CFAP20DC: variants seen among roughly 807,000 people sequenced by gnomAD.
The protein encoded by CFAP20DC is CFAP20 domain containing.
CFAP20DC carries 84 observed loss-of-function variants against 101.7 expected under a neutral mutation model. The observed-to-expected ratio is 0.83, with a 90% CI of 0.69 to 0.99. CFAP20DC has a LOEUF of 0.99. Ranked by LOEUF, CFAP20DC falls within the 50% of genes least tolerant of loss-of-function variation. The pLI is 0.00. For synonymous variants in CFAP20DC, 359 were observed against 351.2 expected, an observed-to-expected ratio of 1.02 and a Z score of -0.25; for missense variants, 1,007 against 970.3, an observed-to-expected ratio of 1.04 and a Z score of -0.50.
intron 13 of CFAP20DC, among the ~76,000 whole-genome samples, chr3:58,835,561 T>A (rs1168104826): frequency 6.6e-6 from 1 of 152,204 alleles, no homozygotes. Context: ...GCTGATGCTA[T>A]ATTTGCTTAA....
chr3:59,019,684 A>C (rs971483792), intron 4 of CFAP20DC, among the ~76,000 whole-genome samples: 4 of 152,118 alleles, frequency 2.6e-5, no homozygotes, highest in Admixed American at 6.6e-5. Context: ...ACAGATTAGC[A>C]GAATGGTGAC....
chr3:58,761,222 T>G (rs1178477361), intron 15 of CFAP20DC, among the ~76,000 whole-genome samples: 1 of 152,208 alleles, frequency 6.6e-6, no homozygotes, highest in Non-Finnish European at 1.5e-5. Context: ...AGCCTGTCAT[T>G]GGTCTATTCA....
At chr3:58,865,634 T>A (rs576344150) in intron 11 of CFAP20DC, among the ~76,000 whole-genome samples, 1 of 152,228 alleles carries the variant, frequency 6.6e-6, no homozygotes, top group Non-Finnish European at 1.5e-5. Flanking sequence ...TGGTGCTGGG[T>A]ACATGACAGT....
intron 3 of CFAP20DC, among the ~76,000 whole-genome samples, chr3:59,043,458 C>T (rs1699587680): frequency 6.6e-6 from 1 of 151,848 alleles, no homozygotes; most frequent in Non-Finnish European, 1.5e-5. Flanking sequence ...AGATCAAAGC[C>T]ACTGAGGGGT....
At chr3:58,880,171 T>A (rs555594192) in intron 7 of CFAP20DC, among the ~76,000 whole-genome samples, 3 of 152,266 alleles carry the variant, frequency 2.0e-5, no homozygotes, top group African/African-American at 7.2e-5. Flanking sequence ...ATACTAGAAG[T>A]AAAAGTCTTT....
chr3:58,720,317 C>T (rs927108970), intron 3 of CFAP20DC, among the ~76,000 whole-genome samples: 6 of 152,174 alleles, frequency 3.9e-5, no homozygotes, highest in Admixed American at 2.0e-4. Context: ...CTCTGAGCCT[C>T]AGTTTCCTCA....
intron 4 of CFAP20DC, among the ~76,000 whole-genome samples, chr3:58,947,749 C>CT (rs1468046470): frequency 6.6e-6 from 1 of 152,164 alleles, no homozygotes; most frequent in Non-Finnish European, 1.5e-5. Flanking sequence ...TGCAAGTAGT[C>CT]TATTTCAGAG....
At chr3:58,936,347 A>G (rs541509955) in intron 5 of CFAP20DC, among the ~76,000 whole-genome samples, 2,732 of 152,246 alleles carry the variant, frequency 0.018, 76 homozygotes, top group African/African-American at 0.061. Context: ...TAGTTCAACC[A>G]TTGTGGAAGT....
chr3:59,038,327 A>G (rs140005445), intron 4 of CFAP20DC, among the ~76,000 whole-genome samples: 13 of 152,302 alleles, frequency 8.5e-5, no homozygotes, highest in Non-Finnish European at 1.9e-4. Context: ...GTGAAGAAAT[A>G]TAAGTGTGGA....
intron 4 of CFAP20DC, among the ~76,000 whole-genome samples, chr3:58,979,118 T>C (rs770843587): frequency 4.5e-4 from 68 of 152,290 alleles, no homozygotes; most frequent in Non-Finnish European, 8.4e-4. Flanking sequence ...CTAGATGATA[T>C]GTTCTGTCAA....
intron 6 of CFAP20DC, among the ~76,000 whole-genome samples, chr3:58,903,770 C>G (rs573908347): frequency 6.6e-6 from 1 of 152,278 alleles, no homozygotes. Context: ...ATGGGGATTA[C>G]GAGAACTACA....
chr3:58,898,415 T>A (rs1316119059), intron 6 of CFAP20DC, among the ~76,000 whole-genome samples: 1 of 152,182 alleles, frequency 6.6e-6, no homozygotes, highest in African/African-American at 2.4e-5. Context: ...GCTCAAGTGA[T>A]CCACATGCTT....
intron 15 of CFAP20DC, among the ~76,000 whole-genome samples, chr3:58,775,586 T>G (rs1174844371): frequency 2.0e-5 from 3 of 152,170 alleles, no homozygotes; most frequent in Non-Finnish European, 4.4e-5. Flanking sequence ...TATGTTTTCT[T>G]AAAGGGAAGT....
chr3:58,761,162 T>C (rs1406017518), intron 15 of CFAP20DC, among the ~76,000 whole-genome samples: 1 of 152,206 alleles, frequency 6.6e-6, no homozygotes. Flanking sequence ...ATCCATCTGG[T>C]TCTGGACTTT....
intron 14 of CFAP20DC, among the ~76,000 whole-genome samples, chr3:58,825,640 C>T (rs1365762449): frequency 6.6e-6 from 1 of 152,208 alleles, no homozygotes; most frequent in East Asian, 1.9e-4. Flanking sequence ...CTCCTAGTGC[C>T]CTTCCAAAGG....
intron 4 of CFAP20DC, among the ~76,000 whole-genome samples, chr3:58,969,401 G>T (rs147643523): frequency 6.6e-6 from 1 of 152,262 alleles, no homozygotes; most frequent in African/African-American, 2.4e-5. Flanking sequence ...AATATTAAAC[G>T]ATACAGCCTC....
intron 16 of CFAP20DC, among the ~76,000 whole-genome samples, chr3:58,748,935 T>C (rs1433417659): frequency 1.3e-5 from 2 of 152,136 alleles, no homozygotes; most frequent in Non-Finnish European, 2.9e-5. Context: ...GAACATAATA[T>C]AACCCCACAC....
rs747713566 is a variant in CFAP20DC, at chr3:59,014,784, G to C, written c.278+24773C>G. ...TACTACATAATGGTGGAAGGCAGTA[G>C]TACTACATATGGACCATGGCTATAT... On this transcript the variant is annotated intron_variant, in intron 4 of 16. Coordinates refer to ENST00000482387, the MANE Select transcript of CFAP20DC (RefSeq NM_001394063.1). This position sits in a 1 kb window ranked among gnomAD's most constrained non-coding sequence, Gnocchi z 4.9. 1.3e-5 allele frequency among the ~76,000 whole-genome samples: 2 copies of C among 152,068 alleles called. No homozygotes were observed. Among genetic ancestry groups the C allele is most frequent in the Non-Finnish European group, 2.9e-5 (2 of 68,006 alleles).
chr3:59,038,275 TATAATA>T (rs1007206710), intron 4 of CFAP20DC, among the ~76,000 whole-genome samples: 1 of 152,012 alleles, frequency 6.6e-6, no homozygotes, highest in South Asian at 2.1e-4. Context: ...TAACTTAAAG[TATAATA>T]ATAATAAGAA....
Sources: gnomAD v4.1 joint callset for allele counts (sites outside exome capture counted in the v4.1 genomes callset) on GRCh38, gnomAD v4.1.1 for gene constraint, Gnocchi (gnomAD v3.1) non-coding constraint, MANE v1.5 for transcripts, NCBI Gene and HGNC (gene_info 2026-07-23, HGNC 2026-07-21) for gene names.